NETO1: variants seen among roughly 807,000 people sequenced by gnomAD.
The protein encoded by NETO1 is neuropilin and tolloid-like protein 1.
NETO1 carries 26 observed loss-of-function variants against 61.3 expected under a neutral mutation model. The observed-to-expected ratio is 0.42, with a 90% CI of 0.31 to 0.59. The LOEUF is 0.59. Ranked by LOEUF, NETO1 falls within the 20% of genes least tolerant of loss-of-function variation. The probability of loss-of-function intolerance (pLI) is 0.12; values close to 1 mark genes in which losing one functional copy is unlikely to be tolerated. For missense variants in NETO1, 531 were observed against 662.8 expected, an observed-to-expected ratio of 0.80 and a Z score of 2.18; for synonymous variants, 225 against 225.8, an observed-to-expected ratio of 1.00 and a Z score of 0.03.
Position 72,758,765 on chromosome 18 carries a change from G to A in NETO1, c.869-2618C>T, listed in dbSNP as rs145315646. Among the ~76,000 whole-genome samples the A allele has an allele frequency of 9.1e-3, 1,378 of 152,212 alleles. 16 individuals are homozygous for A. Among genetic ancestry groups the A allele is most frequent in the African/African-American group, 0.031 (1,298 of 41,532 alleles). On this transcript the variant is annotated intron_variant, in intron 7 of 10. Coordinates refer to ENST00000327305, the MANE Select transcript of NETO1 (RefSeq NM_138966.5). ...GCAGGAGAATCACCTGAACCTGGGA[G>A]GTGGAGGTTGCAGTGAGCCGAGATT...
chr18:72,851,116 A>T (rs1599155216), intron 4 of NETO1, among the ~76,000 whole-genome samples: 1 of 152,334 alleles, frequency 6.6e-6, no homozygotes, highest in East Asian at 1.9e-4. Flanking sequence ...GAGCAGGAAA[A>T]TTCGTGGGAG....
chr18:72,843,949 G>C (rs1036333200), intron 4 of NETO1, among the ~76,000 whole-genome samples: 3 of 152,184 alleles, frequency 2.0e-5, no homozygotes, highest in African/African-American at 7.2e-5. Flanking sequence ...TTAATATGCG[G>C]ATGTCTCAGT....
At chr18:72,762,194 CTT>C (rs1278816041) in intron 7 of NETO1, among the ~76,000 whole-genome samples, 1 of 149,654 alleles carries the variant, frequency 6.7e-6, no homozygotes, top group East Asian at 2.0e-4. Flanking sequence ...GATTTTCGCT[CTT>C]GTTGCCCAGG....
chr18:72,770,314 C>T (rs2071312411), intron 7 of NETO1, among the ~76,000 whole-genome samples: 1 of 151,752 alleles, frequency 6.6e-6, no homozygotes, highest in African/African-American at 2.4e-5. Context: ...TGTTGTCTTA[C>T]CAATTATTCT....
At chr18:72,800,095 A>G (rs2072456725) in intron 4 of NETO1, among the ~76,000 whole-genome samples, 1 of 152,250 alleles carries the variant, frequency 6.6e-6, no homozygotes, top group Non-Finnish European at 1.5e-5. Context: ...CAGCTGGTGC[A>G]TGAGCACCCA....
At chr18:72,826,922 AG>A (rs1325223709) in intron 4 of NETO1, among the ~76,000 whole-genome samples, 2 of 151,988 alleles carry the variant, frequency 1.3e-5, no homozygotes, top group African/African-American at 2.4e-5. Context: ...ACCCATTTCT[AG>A]GGGGGCTGGA....
At chr18:72,841,733 C>CAAAAAAAAA (rs1341296691) in intron 4 of NETO1, among the ~76,000 whole-genome samples, 829 of 70,974 alleles carry the variant, frequency 0.012, 275 homozygotes, top group Non-Finnish European at 0.015. Context: ...GACTCTACCT[C>CAAAAAAAAA]AACAAAAAAA....
At chr18:72,769,476 A>G (rs2071273122) in intron 7 of NETO1, among the ~76,000 whole-genome samples, 1 of 152,224 alleles carries the variant, frequency 6.6e-6, no homozygotes. Context: ...TTAACCCAAC[A>G]TAGAAAATAA....
intron 4 of NETO1, among the ~76,000 whole-genome samples, chr18:72,844,151 C>T (rs1489741884): frequency 6.6e-6 from 1 of 152,148 alleles, no homozygotes; most frequent in African/African-American, 2.4e-5. Context: ...TAACCAACCA[C>T]CAAATTACTA....
intron 4 of NETO1, among the ~76,000 whole-genome samples, chr18:72,851,456 G>T (rs923704019): frequency 6.6e-6 from 1 of 151,828 alleles, no homozygotes; most frequent in Admixed American, 6.6e-5. Context: ...ATTCGTGGGA[G>T]ATCTAGGAGA....
Position 72,867,368 on chromosome 18 carries a change from G to A in NETO1, c.-77C>T. On this transcript the variant is annotated 5_prime_UTR_variant, in exon 1 of 11. Transcript: ENST00000327305. ...GGGAAGACTTCCAGTGGCGGGGGGA[G>A]GACAGGGTCGAGAGGTGTTAAAGAC... The A allele has an allele frequency of 7.8e-7, 1 of 1,278,220 alleles. No homozygotes were observed. Among genetic ancestry groups the A allele is most frequent in the East Asian group, 2.8e-5 (1 of 35,776 alleles). 79.2% of individuals were successfully genotyped at this position (1,278,220 alleles called of 1,614,324 possible). A position where few individuals can be genotyped will look rare whatever the true frequency, so the allele number is the denominator to read the frequency against.
rs369934741 is a variant in NETO1 at position 72,858,777 on chromosome 18, T to C, written c.469+49A>G. The stretch of plus-strand genomic sequence containing the variant: ...TACACAAGATTTTGTACTATGAAGA[T>C]AGAAAAATGAGGAAGAAAAAGAAAT... On this transcript the variant is annotated intron_variant, in intron 4 of 10. Transcript: ENST00000327305. The C allele has an allele frequency of 1.4e-4, 215 of 1,514,610 alleles. 1 individual carries two copies. The highest frequency in any genetic ancestry group is 1.8e-4 in the Non-Finnish European group (198 of 1,126,036). The allele number at this position is 1,514,610 out of a possible 1,614,324, so 93.8% of individuals were successfully genotyped here.
At chr18:72,772,776 T>TATATAC (rs1491206917) in intron 7 of NETO1, among the ~76,000 whole-genome samples, 2 of 115,710 alleles carry the variant, frequency 1.7e-5, no homozygotes, top group African/African-American at 3.1e-5. Context: ...TATATATATA[T>TATATAC]ACAGATCTCT....
At chr18:72,821,969 G>A (rs1568228151) in intron 4 of NETO1, among the ~76,000 whole-genome samples, 1 of 152,204 alleles carries the variant, frequency 6.6e-6, no homozygotes, top group East Asian at 1.9e-4. Flanking sequence ...CCCTATGCAG[G>A]TGGGAGTGGG....
At chr18:72,828,030 C>G (rs544517602) in intron 4 of NETO1, among the ~76,000 whole-genome samples, 2 of 152,132 alleles carry the variant, frequency 1.3e-5, no homozygotes. Context: ...ATTAAAAATG[C>G]AGCCAGGCGT....
intron 4 of NETO1, among the ~76,000 whole-genome samples, chr18:72,858,034 A>G (rs2074457203): frequency 6.6e-6 from 1 of 152,190 alleles, no homozygotes; most frequent in African/African-American, 2.4e-5. Context: ...ATAAAACAAT[A>G]CATACAAACT....
intron 6 of NETO1, among the ~76,000 whole-genome samples, chr18:72,784,166 T>C (rs556530781): frequency 1.3e-5 from 2 of 152,320 alleles, no homozygotes; most frequent in East Asian, 3.9e-4. Flanking sequence ...CTTTATGTCT[T>C]CTCATAACTT....
intron 4 of NETO1, among the ~76,000 whole-genome samples, chr18:72,806,439 G>A (rs1196064127): frequency 4.0e-5 from 6 of 151,896 alleles, no homozygotes; most frequent in East Asian, 1.9e-4. Context: ...TCCACCTACC[G>A]TATGGATTTT....
chr18:72,865,373 T>C, intron 1 of NETO1, 132 bp from the exon 2 acceptor site: 1 of 1,135,024 alleles, frequency 8.8e-7, no homozygotes, highest in Non-Finnish European at 1.3e-6. Flanking sequence ...TAGAAGTCGA[T>C]TCAGAACTTG....
Sources: gnomAD v4.1 joint callset for allele counts (sites outside exome capture counted in the v4.1 genomes callset) on GRCh38, gnomAD v4.1.1 for gene constraint, MANE v1.5 for transcripts, NCBI Gene and HGNC (gene_info 2026-07-23, HGNC 2026-07-21) for gene names.